Variants in PCDHA9 observed in about 807,000 individuals in gnomAD.
PCDHA9 encodes the protein protocadherin alpha-9.
A neutral mutation model predicts 62.0 loss-of-function variants in PCDHA9; 62 were observed. The ratio of observed to expected loss-of-function variants is 1.00; its 90% CI spans 0.81 to 1.23. PCDHA9 has a LOEUF of 1.23. PCDHA9 is among the 50% of genes most tolerant of loss of function. The pLI, the probability that PCDHA9 is intolerant of heterozygous loss-of-function variation, is 0.00. For missense variants in PCDHA9, 1,205 were observed against 1,249.8 expected (o/e 0.96, Z 0.54); for synonymous variants, 557 against 567.6 (o/e 0.98, Z 0.27).
intron 1 of PCDHA9, among the ~76,000 whole-genome samples, chr5:140,940,389 AT>A (rs2092602183): frequency 1.3e-5 from 2 of 151,932 alleles, no homozygotes; most frequent in Admixed American, 6.6e-5. Flanking sequence ...AATTTTGGTT[AT>A]TGTGTTTTTC....
At chr5:140,881,195 A>G (rs943462031) in intron 1 of PCDHA9, 1 of 173,206 alleles carries the variant, frequency 5.8e-6, no homozygotes, top group Non-Finnish European at 1.1e-5. Context: ...ATATGTTAAC[A>G]TCTTTGTCTA....
chr5:140,876,069 A>G (rs1554168246), intron 1 of PCDHA9: 1 of 1,613,948 alleles, frequency 6.2e-7, no homozygotes, highest in South Asian at 1.1e-5. Flanking sequence ...TTCGGAAGTT[A>G]TTGGACAGAG....
chr5:140,927,306 G>T (rs782091835), intron 1 of PCDHA9: 10 of 1,614,040 alleles, frequency 6.2e-6, no homozygotes, highest in Non-Finnish European at 5.9e-6. Context: ...AGTTCCTGAC[G>T]CCCGGAGCCC....
intron 1 of PCDHA9, chr5:140,856,684 A>G (rs1554148977): frequency 1.3e-6 from 2 of 1,597,646 alleles, no homozygotes; most frequent in Admixed American, 1.7e-5. Context: ...TGTTGTTGAC[A>G]GCAACTGATG....
intron 1 of PCDHA9, chr5:140,968,382 A>G: frequency 6.2e-7 from 1 of 1,614,050 alleles, no homozygotes; most frequent in Non-Finnish European, 8.5e-7. Flanking sequence ...TCCTTTGACT[A>G]TGAGAAGTTT....
chr5:141,003,086 G>T (rs782184121), intron 3 of PCDHA9, among the ~76,000 whole-genome samples: 7 of 152,194 alleles, frequency 4.6e-5, no homozygotes, highest in Non-Finnish European at 1.0e-4. Flanking sequence ...GAGTTTAACA[G>T]GCCTGGCATT....
At chr5:140,899,714 T>C (rs1554188719) in intron 1 of PCDHA9, among the ~76,000 whole-genome samples, 1 of 152,242 alleles carries the variant, frequency 6.6e-6, no homozygotes, top group African/African-American at 2.4e-5. Context: ...TAGGGAGGAT[T>C]CCCTCTTTTT....
chr5:140,860,946 C>A (rs1196605227), intron 1 of PCDHA9: 8 of 152,212 alleles, frequency 5.3e-5, no homozygotes, highest in African/African-American at 1.9e-4. Context: ...ACCGTGTTAG[C>A]CAGGATGGTC....
intron 1 of PCDHA9, among the ~76,000 whole-genome samples, chr5:140,921,661 A>C (rs1554200347): frequency 1.3e-5 from 2 of 152,226 alleles, no homozygotes; most frequent in African/African-American, 4.8e-5. Context: ...CTTAATAAAA[A>C]TTTAACAGTT....
chr5:140,878,802 A>T (rs2057733011), intron 1 of PCDHA9, among the ~76,000 whole-genome samples: 1 of 152,224 alleles, frequency 6.6e-6, no homozygotes, highest in Non-Finnish European at 1.5e-5. Context: ...TTTTAAAAAC[A>T]TATGGGGGTC....
chr5:140,908,587 T>G (rs186345728), intron 1 of PCDHA9, among the ~76,000 whole-genome samples: 3 of 152,298 alleles, frequency 2.0e-5, no homozygotes, highest in East Asian at 3.9e-4. Context: ...AGTAGTTAGC[T>G]GCAGAAGATG....
rs1554262229 is a variant in PCDHA9, at chr5:141,009,613, G to A, written c.2543-14G>A. ...GTTGACCCTGTTAATGATTTGTAATGTTTTGTCTTTCAGAACCAGAGGCAG... is the reference window on the plus strand; with the variant it reads ...GTTGACCCTGTTAATGATTTGTAATATTTTGTCTTTCAGAACCAGAGGCAG... On this transcript the variant is annotated splice_polypyrimidine_tract_variant and intron_variant, in intron 3 of 3. Coordinates refer to ENST00000532602, the MANE Select transcript of PCDHA9 (RefSeq NM_031857.2). The A allele has an allele frequency of 6.2e-7, 1 of 1,611,932 alleles. No individual in the cohort carries two copies. Among genetic ancestry groups the A allele is most frequent in the Non-Finnish European group, 8.5e-7 (1 of 1,178,618 alleles).
At chr5:140,989,947 T>G (rs2097368215) in intron 3 of PCDHA9, among the ~76,000 whole-genome samples, 1 of 152,062 alleles carries the variant, frequency 6.6e-6, no homozygotes, top group Non-Finnish European at 1.5e-5. Context: ...CACGTTTTTC[T>G]CGGTGAGACC....
intron 1 of PCDHA9, among the ~76,000 whole-genome samples, chr5:140,897,588 T>C (rs1554187466): frequency 6.6e-6 from 1 of 152,172 alleles, no homozygotes; most frequent in African/African-American, 2.4e-5. Flanking sequence ...CAGTCTGTCA[T>C]TGTTGGACAT....
At chr5:140,960,148 T>C (rs782110022) in intron 1 of PCDHA9, among the ~76,000 whole-genome samples, 16 of 152,198 alleles carry the variant, frequency 1.1e-4, no homozygotes, top group Admixed American at 4.6e-4. Context: ...ATTAATAGCT[T>C]GAGACTGATA....
chr5:140,994,784 A>G (rs1245945274), intron 3 of PCDHA9, among the ~76,000 whole-genome samples: 2 of 152,202 alleles, frequency 1.3e-5, no homozygotes, highest in Non-Finnish European at 2.9e-5. Flanking sequence ...CAAAGGAAAC[A>G]ATGCGTGCAT....
intron 3 of PCDHA9, among the ~76,000 whole-genome samples, chr5:140,993,609 T>C (rs1554253871): frequency 6.6e-6 from 1 of 152,078 alleles, no homozygotes; most frequent in African/African-American, 2.4e-5. Flanking sequence ...GAGAATTTTG[T>C]TGGGACCCTC....
intron 1 of PCDHA9, among the ~76,000 whole-genome samples, chr5:140,975,937 A>C (rs2096690423): frequency 1.3e-5 from 2 of 152,194 alleles, no homozygotes; most frequent in South Asian, 2.1e-4. Context: ...CTTTGAAGCA[A>C]TAGGACATAT....
In PCDHA9 at chr5:140,852,833, T is replaced by C; in HGVS notation, c.2394+1944T>C. 14 of 971,734 alleles carry C rather than the reference T, an allele frequency of 1.4e-5. 1 individual carries two copies. Among genetic ancestry groups the C allele is most frequent in the Non-Finnish European group, 1.5e-5 (12 of 804,770 alleles). 60.2% of individuals were successfully genotyped at this position (971,734 alleles called of 1,614,324 possible). On this transcript the variant is annotated intron_variant, in intron 1 of 3. Transcript: ENST00000532602. ...CCCGCCCTAAGTCCTCCAGTCTCCT[T>C]AGAGCTAGTACTTACTAAGCATTTA...
Sources: gnomAD v4.1 joint callset for allele counts (sites outside exome capture counted in the v4.1 genomes callset) on GRCh38, gnomAD v4.1.1 for gene constraint, MANE v1.5 for transcripts, NCBI Gene and HGNC (gene_info 2026-07-23, HGNC 2026-07-21) for gene names.